Variants in SNX31 observed in about 807,000 individuals in gnomAD.
SNX31 encodes the protein sorting nexin-31.
SNX31 carries 58 observed loss-of-function variants against 65.4 expected under a neutral mutation model. That is an observed-to-expected ratio of 0.89 (90% CI 0.72 to 1.10). The LOEUF is 1.10. SNX31 is among the 50% of genes least tolerant of loss of function. The pLI is 0.00. For synonymous variants in SNX31, 181 were observed against 190.1 expected, an observed-to-expected ratio of 0.95 and a Z score of 0.39; for missense variants, 523 against 529.7, an observed-to-expected ratio of 0.99 and a Z score of 0.12.
At position 100,655,410 on chromosome 8, in the gene SNX31, G is replaced by A. The variant is rs572754198; in HGVS notation, c.-58+7732C>T. 4.8e-4 allele frequency among the ~76,000 whole-genome samples: 73 copies of A among 152,226 alleles called. 1 individual carries two copies. Among genetic ancestry groups the A allele is most frequent in the African/African-American group, 1.7e-3 (71 of 41,540 alleles). On this transcript the variant is annotated intron_variant, in intron 1 of 5. Transcript: ENST00000520352. ...AGCTCCCATAATTCTCACATGTTGTGGGAGAGACCCTGTGGGAGATCACTG... is the reference window on the plus strand; with the variant it reads ...AGCTCCCATAATTCTCACATGTTGTAGGAGAGACCCTGTGGGAGATCACTG...
intron 3 of SNX31, among the ~76,000 whole-genome samples, chr8:100,631,708 C>T (rs954987478): frequency 7.2e-5 from 11 of 152,056 alleles, no homozygotes; most frequent in Admixed American, 2.6e-4. Context: ...CCAAAATAAA[C>T]GAAGAGAGAA....
At chr8:100,611,358 T>C (rs1203657841) in intron 7 of SNX31, among the ~76,000 whole-genome samples, 3 of 152,290 alleles carry the variant, frequency 2.0e-5, no homozygotes, top group Admixed American at 6.5e-5. Flanking sequence ...CCATGTCCCC[T>C]GGCCCCGCCC....
At chr8:100,583,985 G>T in intron 12 of SNX31, 126 bp downstream of exon 12, 3 of 729,240 alleles carry the variant, frequency 4.1e-6, no homozygotes, top group Non-Finnish European at 4.4e-6. Context: ...CACTTCTGTG[G>T]TTTGGAGTCC....
At chr8:100,585,983 T>A (rs1814006460) in intron 11 of SNX31, among the ~76,000 whole-genome samples, 2 of 152,210 alleles carry the variant, frequency 1.3e-5, no homozygotes, top group Non-Finnish European at 2.9e-5. Context: ...CACAGTGGTG[T>A]AATCTTGGCT....
intron 3 of SNX31, among the ~76,000 whole-genome samples, chr8:100,635,313 C>A (rs1563573941): frequency 6.6e-6 from 1 of 151,938 alleles, no homozygotes; most frequent in East Asian, 1.9e-4. Flanking sequence ...AATCACAGCT[C>A]ACTGCAGCCT....
intron 8 of SNX31, 30 bp downstream of exon 8, chr8:100,608,464 G>C (rs762569535): frequency 6.2e-7 from 1 of 1,608,468 alleles, no homozygotes; most frequent in South Asian, 1.1e-5. Flanking sequence ...TATGATCTAC[G>C]GTGCTGTCTG....
intron 2 of SNX31, among the ~76,000 whole-genome samples, chr8:100,636,487 T>A (rs1818784114): frequency 6.6e-6 from 1 of 152,198 alleles, no homozygotes; most frequent in South Asian, 2.1e-4. Context: ...ACGTCGCTAG[T>A]TTGGATTGAG....
chr8:100,628,687 A>G (rs1288983187), intron 4 of SNX31, among the ~76,000 whole-genome samples: 1 of 152,140 alleles, frequency 6.6e-6, no homozygotes, highest in East Asian at 1.9e-4. Context: ...ACATGTCTAC[A>G]TATGTAACAA....
intron 3 of SNX31, 72 bp downstream of exon 3, chr8:100,635,825 G>T: frequency 2.1e-6 from 2 of 938,644 alleles, no homozygotes; most frequent in Non-Finnish European, 3.4e-6. Flanking sequence ...GTACACTTTA[G>T]CAGGTGAATT....
At chr8:100,638,015 T>G (rs1480551672) in intron 2 of SNX31, among the ~76,000 whole-genome samples, 1 of 152,080 alleles carries the variant, frequency 6.6e-6, no homozygotes, top group East Asian at 1.9e-4. Flanking sequence ...ACTTTAAAAA[T>G]GTAAGTCAGC....
intron 7 of SNX31, among the ~76,000 whole-genome samples, chr8:100,608,934 C>A (rs185922892): frequency 4.1e-4 from 63 of 152,298 alleles, no homozygotes; most frequent in African/African-American, 1.4e-3. Flanking sequence ...CCATATTCAC[C>A]ACCCTGCAGC....
intron 1 of SNX31, among the ~76,000 whole-genome samples, chr8:100,661,005 A>ATTTTTTTTTT (rs1457172508): frequency 1.1e-5 from 1 of 93,942 alleles, no homozygotes; most frequent in Non-Finnish European, 2.0e-5. Flanking sequence ...AAGCAGGTCG[A>ATTTTTTTTTT]TATTTTTTTT....
intron 2 of SNX31, among the ~76,000 whole-genome samples, chr8:100,637,625 G>A (rs1332024691): frequency 6.6e-6 from 1 of 152,152 alleles, no homozygotes; most frequent in Non-Finnish European, 1.5e-5. Context: ...CTTCCAACAA[G>A]TCTCTCTGCT....
chr8:100,643,120 G>T lies in SNX31; in HGVS notation c.141+6154C>A, dbSNP rs544371739. ...GCAGGAGAATCACTTGAACTTGGGG[G>T]GGGTGGAGGTTGCAGTGAGCTGAGA... On this transcript the variant is annotated intron_variant, in intron 2 of 13. Coordinates refer to ENST00000311812, the MANE Select transcript of SNX31 (RefSeq NM_152628.4). Among the ~76,000 whole-genome samples, 4 of 152,230 alleles carry T rather than the reference G, an allele frequency of 2.6e-5. No homozygotes were observed. The South Asian group carries it at 6.2e-4, about 24-fold the overall frequency.
At chr8:100,620,765 C>A (rs77185309) in intron 4 of SNX31, among the ~76,000 whole-genome samples, 11,281 of 152,066 alleles carry the variant, frequency 0.074, 1,076 homozygotes, top group African/African-American at 0.22. Flanking sequence ...CTTACTAATC[C>A]CATTATTTTT....
Position 100,654,731 on chromosome 8 carries a change from G to T in SNX31, c.-58+8411C>A, listed in dbSNP as rs115462812. Among the ~76,000 whole-genome samples the T allele has an allele frequency of 6.4e-3, 972 of 152,294 alleles. 13 individuals carry two copies. The highest frequency in any genetic ancestry group is 0.021 in the African/African-American group (881 of 41,554). ...ATGAAGATGGAAAAAGTAAAGATGG[G>T]GCCGGGTGCAGTGGCTCTCACCTGT... On this transcript the variant is annotated intron_variant, in intron 1 of 5. Coordinates refer to the SNX31 transcript ENST00000520352.
At chr8:100,623,597 C>A (rs145945129) in intron 4 of SNX31, among the ~76,000 whole-genome samples, 1 of 152,336 alleles carries the variant, frequency 6.6e-6, no homozygotes, top group African/African-American at 2.4e-5. Context: ...CACTGTCCAG[C>A]CTTGGACCCT....
intron 5 of SNX31, 113 bp downstream of exon 5, chr8:100,617,507 G>T: frequency 1.4e-6 from 1 of 697,762 alleles, no homozygotes; most frequent in Non-Finnish European, 2.4e-6. Context: ...ATCATCCACA[G>T]AGTAAAACAA....
At position 100,631,149 on chromosome 8, in the gene SNX31, G is replaced by A. The variant is rs144716784; in HGVS notation, c.257-758C>T. Among the ~76,000 whole-genome samples, 179 of 152,158 alleles carry A rather than the reference G, an allele frequency of 1.2e-3. 1 individual carries two copies. In the East Asian group the frequency reaches 0.032, roughly 28 times the overall value. ...GTTACCAAAAAAAAGCAATGATAAG[G>A]CAGTCAGAGAGATTTAAAATATTTC... On this transcript the variant is annotated intron_variant, in intron 3 of 13. Coordinates refer to ENST00000311812, the MANE Select transcript of SNX31 (RefSeq NM_152628.4).
Sources: gnomAD v4.1 joint callset for allele counts (sites outside exome capture counted in the v4.1 genomes callset) on GRCh38, gnomAD v4.1.1 for gene constraint, MANE v1.5 for transcripts, NCBI Gene and HGNC (gene_info 2026-07-23, HGNC 2026-07-21) for gene names.